Variants in TRIM5 observed in about 807,000 individuals in gnomAD.
TRIM5 encodes tripartite motif containing 5.
A neutral mutation model predicts 35.6 loss-of-function variants in TRIM5; 31 were observed. The observed-to-expected ratio is 0.87, with a 90% CI of 0.65 to 1.18. TRIM5 has a LOEUF of 1.18. Ranked by LOEUF, TRIM5 falls within the 50% of genes most tolerant of loss-of-function variation. TRIM5 has a pLI of 0.00. For missense variants in TRIM5, 609 were observed against 591.6 expected, an observed-to-expected ratio of 1.03 and a Z score of -0.31; for synonymous variants, 243 against 215.6, an observed-to-expected ratio of 1.13 and a Z score of -1.11.
chr11:5,668,398 C>T (rs561162704), intron 4 of TRIM5, among the ~76,000 whole-genome samples: 18 of 152,272 alleles, frequency 1.2e-4, no homozygotes, highest in Admixed American at 2.0e-4. Context: ...GATGTTTACG[C>T]GGCCTTTGCT....
chr11:5,589,180 T>G, the TRIM5 span: 1 of 152,058 alleles, frequency 6.6e-6, no homozygotes, highest in South Asian at 2.1e-4. Context: ...TGGAGCATAT[T>G]TATTTGTATT....
the TRIM5 span, among the ~76,000 whole-genome samples, chr11:5,652,382 A>G: frequency 6.6e-6 from 1 of 152,222 alleles, no homozygotes; most frequent in African/African-American, 2.4e-5. Context: ...TCTTCTGCAT[A>G]TGGCAAGCGA....
chr11:5,624,474 G>T, the TRIM5 span, among the ~76,000 whole-genome samples: 1 of 152,190 alleles, frequency 6.6e-6, no homozygotes, highest in African/African-American at 2.4e-5. Context: ...CAAGTGGATC[G>T]TTGGAGCTGA....
the TRIM5 span, among the ~76,000 whole-genome samples, chr11:5,627,110 G>T: frequency 9.2e-5 from 14 of 152,140 alleles, no homozygotes; most frequent in Non-Finnish European, 1.9e-4. Flanking sequence ...GGGCACAGTA[G>T]CTCACACCTG....
chr11:5,678,154 G>T (rs756226365), intron 4 of TRIM5, 50 bp downstream of exon 4: 27 of 1,488,796 alleles, frequency 1.8e-5, no homozygotes, highest in Non-Finnish European at 2.4e-5. Context: ...GAAGGAAATA[G>T]CCTTCACTTT....
In TRIM5 at chr11:5,665,980, C is replaced by A. The variant is rs1353683459; in HGVS notation, c.868+1G>T. ...CCTGTTGTTGATCTAGCTCTCCTCA[C>A]CTCTAAACACTTCTAGCATTCCTTT... On this transcript the variant is annotated splice_donor_variant, in intron 6 of 7. Coordinates refer to ENST00000380034, the MANE Select transcript of TRIM5 (RefSeq NM_033034.3). LOFTEE classifies it high-confidence loss of function. The A allele has an allele frequency of 6.2e-7, 1 of 1,608,072 alleles. No individual in the cohort carries two copies. Among genetic ancestry groups the A allele is most frequent in the African/African-American group, 1.3e-5 (1 of 74,400 alleles).
In TRIM5 at chr11:5,664,744, T is replaced by A; in HGVS notation, c.*65A>T. 1 of 1,512,316 alleles carries A rather than the reference T, an allele frequency of 6.6e-7. No homozygotes were observed. Among genetic ancestry groups the A allele is most frequent in the Non-Finnish European group, 8.8e-7 (1 of 1,134,760 alleles). 93.7% of individuals were successfully genotyped at this position (1,512,316 alleles called of 1,614,324 possible). ...GATGGTTAAAATGATGCAAATGAGTTCAGGTGTATGAGATGCACCTGGACA... is the reference window on the plus strand; with the variant it reads ...GATGGTTAAAATGATGCAAATGAGTACAGGTGTATGAGATGCACCTGGACA... On this transcript the variant is annotated 3_prime_UTR_variant, in exon 8 of 8. Transcript: ENST00000380034.
At chr11:5,661,927 T>C (rs140650501), downstream of TRIM5, among the ~76,000 whole-genome samples, 32 of 152,352 alleles carry the variant, frequency 2.1e-4, no homozygotes, top group African/African-American at 6.7e-4. Flanking sequence ...TCCTGAGCTG[T>C]GGGACTTGGC....
At chr11:5,682,023 T>C (rs1852506107) in intron 1 of TRIM5, among the ~76,000 whole-genome samples, 1 of 151,978 alleles carries the variant, frequency 6.6e-6, no homozygotes, top group Admixed American at 6.5e-5. Context: ...GGTCTCCAAC[T>C]CCTGACCTTG....
the TRIM5 span, among the ~76,000 whole-genome samples, chr11:5,622,175 G>A: frequency 2.0e-5 from 3 of 152,182 alleles, no homozygotes; most frequent in African/African-American, 4.8e-5. Context: ...GCTGGGCGCG[G>A]TGGCTCACAC....
chr11:5,675,177 C>A (rs774672816), intron 4 of TRIM5, among the ~76,000 whole-genome samples: 2 of 151,006 alleles, frequency 1.3e-5, no homozygotes, highest in Non-Finnish European at 2.9e-5. Flanking sequence ...TACAGGTGCC[C>A]GCCACCACGC....
chr11:5,670,233 A>T (rs1199119933), intron 4 of TRIM5, among the ~76,000 whole-genome samples: 1 of 121,950 alleles, frequency 8.2e-6, no homozygotes, highest in African/African-American at 3.3e-5. Flanking sequence ...GCTGGAGTGC[A>T]GTGGTGCGAT....
the TRIM5 span, among the ~76,000 whole-genome samples, chr11:5,650,756 G>C: frequency 5.5e-4 from 84 of 152,296 alleles, no homozygotes; most frequent in African/African-American, 1.9e-3. Context: ...TGGCCAGGTA[G>C]GGTCACATAG....
rs192419429 is a variant in TRIM5, at chr11:5,679,031, C to T, written c.513+43G>A. ...AAGAAAGCTCCTTCCCCTGGTCCTG[C>T]CCAGATTTCTAGCTAACTCCTTCGG... On this transcript the variant is annotated intron_variant, in intron 3 of 7. Transcript: ENST00000380034. 29 of 1,545,814 alleles carry T rather than the reference C, an allele frequency of 1.9e-5. No homozygotes were observed. The East Asian group carries it at 6.3e-4, about 34-fold the overall frequency.
At chr11:5,615,132 C>T in the TRIM5 span, among the ~76,000 whole-genome samples, 1 of 152,142 alleles carries the variant, frequency 6.6e-6, no homozygotes, top group Non-Finnish European at 1.5e-5. Flanking sequence ...GGTCCAGATA[C>T]AGACTTTATA....
At chr11:5,641,554 A>T in the TRIM5 span, among the ~76,000 whole-genome samples, 1 of 152,200 alleles carries the variant, frequency 6.6e-6, no homozygotes, top group Admixed American at 6.5e-5. Context: ...GGGCCTTGTC[A>T]AATCCTAAAA....
chr11:5,593,138 T>C, the TRIM5 span, among the ~76,000 whole-genome samples: 2 of 152,266 alleles, frequency 1.3e-5, no homozygotes. Flanking sequence ...CTGAAATTTG[T>C]TTTCATTTGG....
At chr11:5,608,549 A>G in the TRIM5 span, among the ~76,000 whole-genome samples, 3 of 152,028 alleles carry the variant, frequency 2.0e-5, no homozygotes, top group Non-Finnish European at 2.9e-5. Context: ...TCCCCAAATA[A>G]AGGGGATGAA....
the TRIM5 span, among the ~76,000 whole-genome samples, chr11:5,614,688 T>C: frequency 1.3e-5 from 2 of 152,224 alleles, no homozygotes; most frequent in Admixed American, 1.3e-4. Context: ...TCTAGACATG[T>C]GGTATAGTTA....
Sources: allele counts gnomAD v4.1 joint callset (sites outside exome capture counted in the v4.1 genomes callset), GRCh38; gene constraint gnomAD v4.1.1; transcripts MANE v1.5; gene names NCBI Gene and HGNC (gene_info 2026-07-23, HGNC 2026-07-21).